Variants in EFCAB13 observed in about 807,000 individuals in gnomAD.
The protein encoded by EFCAB13 is EF-hand calcium binding domain 13.
A neutral mutation model predicts 110.2 loss-of-function variants in EFCAB13; 91 were observed. The ratio of observed to expected loss-of-function variants is 0.83; its 90% CI spans 0.70 to 0.98. The LOEUF (loss-of-function observed/expected upper bound fraction) is 0.98. EFCAB13 is among the 50% of genes least tolerant of loss of function. The pLI is 0.00. For synonymous variants in EFCAB13, 323 were observed against 369.9 expected, an observed-to-expected ratio of 0.87 and a Z score of 1.45; for missense variants, 968 against 1,119.4, an observed-to-expected ratio of 0.86 and a Z score of 1.93.
chr17:47,429,269 T>C (rs1159324431), intron 23 of EFCAB13, among the ~76,000 whole-genome samples: 1 of 152,200 alleles, frequency 6.6e-6, no homozygotes, highest in Non-Finnish European at 1.5e-5. Context: ...CATTTTAAGG[T>C]AACATAACTT....
intron 24 of EFCAB13, among the ~76,000 whole-genome samples, chr17:47,436,180 T>C (rs1905210357): frequency 1.3e-5 from 2 of 152,288 alleles, no homozygotes; most frequent in South Asian, 4.2e-4. Flanking sequence ...TTAGCTAGTA[T>C]TTTGTTAGGG....
intron 10 of EFCAB13, among the ~76,000 whole-genome samples, chr17:47,368,808 G>T (rs1885353657): frequency 6.6e-6 from 1 of 152,184 alleles, no homozygotes; most frequent in Admixed American, 6.5e-5. Context: ...ATGGGAAGAT[G>T]ACTTTTCCAC....
intron 24 of EFCAB13, among the ~76,000 whole-genome samples, chr17:47,438,007 CTGAA>C (rs1905243780): frequency 6.6e-6 from 1 of 152,078 alleles, no homozygotes; most frequent in Non-Finnish European, 1.5e-5. Context: ...ATTCATTTGT[CTGAA>C]TAAGACTGTA....
At chr17:47,361,194 A>G (rs959423182) in intron 9 of EFCAB13, among the ~76,000 whole-genome samples, 184 bp from the exon 10 acceptor site, 3 of 152,208 alleles carry the variant, frequency 2.0e-5, no homozygotes, top group African/African-American at 7.2e-5. Context: ...GGAGAAATAA[A>G]AGACCAATGT....
rs143152322 is a variant in EFCAB13, at chr17:47,374,487, C to G, written c.893C>G (p.Ser298Ter). The G allele has an allele frequency of 1.3e-6, 2 of 1,514,328 alleles. No homozygotes were observed. Among genetic ancestry groups the G allele is most frequent in the Non-Finnish European group, 1.8e-6 (2 of 1,133,414 alleles). 93.8% of individuals were successfully genotyped at this position (1,514,328 alleles called of 1,614,324 possible). A position where few individuals can be genotyped will look rare whatever the true frequency, so the allele number is the denominator to read the frequency against. Residue 298 changes from serine to a stop codon, truncating the protein, a stop_gained, in exon 12 of 25, where the codon TCA (serine) becomes TGA (stop). Transcript: ENST00000331493. LOFTEE classifies it high-confidence loss of function. ...TCTTATTTAGCAATTACAGAAGGAT[C>G]ACCTTTGAATGAAATTACTTCAGAC... ...QYEDVSITEG[S>*]PLNEITSDRK...
Position 47,374,623 on chromosome 17 carries a change from C to G in EFCAB13, c.1029C>G (p.Asn343Lys). Residue 343 changes from asparagine (N) to lysine (K), a missense_variant, in exon 12 of 25, where the codon AAC (asparagine) becomes AAG (lysine). By Grantham distance (94) the Asn-to-Lys change is moderately conservative. Transcript: ENST00000331493. ...CCAAAAAGTTAAATAAAAAAAGCAACCAATATTATAGCAAAATTATGGAGA... is the reference window on the plus strand; with the variant it reads ...CCAAAAAGTTAAATAAAAAAAGCAAGCAATATTATAGCAAAATTATGGAGA... ...SISKKLNKKS[N>K]QYYSKIMEND... The G allele has an allele frequency of 6.2e-7, 1 of 1,604,432 alleles. No homozygotes were observed. The highest frequency in any genetic ancestry group is 8.5e-7 in the Non-Finnish European group (1 of 1,177,684).
intron 17 of EFCAB13, among the ~76,000 whole-genome samples, chr17:47,399,059 A>ACTTGGGAG (rs2065765015): frequency 6.6e-6 from 1 of 152,120 alleles, no homozygotes; most frequent in South Asian, 2.1e-4. Flanking sequence ...AGTAGCTGGG[A>ACTTGGGAG]CTACAGGTGC....
chr17:47,378,424 A>G (rs1025929027), intron 13 of EFCAB13, among the ~76,000 whole-genome samples: 1 of 152,196 alleles, frequency 6.6e-6, no homozygotes, highest in Non-Finnish European at 1.5e-5. Context: ...ATACTAGGGA[A>G]GTTATTTTTA....
chr17:47,440,282 A>G (rs954414450), intron 24 of EFCAB13, 149 bp from the exon 25 acceptor site: 6 of 637,928 alleles, frequency 9.4e-6, no homozygotes, highest in East Asian at 9.3e-5. Flanking sequence ...TGATAATCAT[A>G]TGCATGCAAG....
intron 11 of EFCAB13, among the ~76,000 whole-genome samples, chr17:47,372,264 T>C (rs2065589170): frequency 6.6e-6 from 1 of 152,182 alleles, no homozygotes; most frequent in South Asian, 2.1e-4. Flanking sequence ...GATTTGTGGC[T>C]ACTCTGAAGC....
At chr17:47,350,567 T>C (rs777981818) in intron 9 of EFCAB13, among the ~76,000 whole-genome samples, 2 of 152,054 alleles carry the variant, frequency 1.3e-5, no homozygotes, top group African/African-American at 2.4e-5. Flanking sequence ...AATATAATTA[T>C]TACTCCCACG....
intron 21 of EFCAB13, among the ~76,000 whole-genome samples, chr17:47,411,605 ATTG>A (rs2065835467): frequency 1.3e-5 from 2 of 152,184 alleles, no homozygotes; most frequent in Non-Finnish European, 2.9e-5. Flanking sequence ...TGAATATTTT[ATTG>A]TTGATCTTAG....
intron 23 of EFCAB13, among the ~76,000 whole-genome samples, chr17:47,424,896 T>TTTTTTTTTTTTTTTTTTG (rs1567807243): frequency 3.5e-5 from 3 of 84,508 alleles, no homozygotes; most frequent in African/African-American, 1.8e-4. Context: ...TTTTTTTTTT[T>TTTTTTTTTTTTTTTTTTG]TTTTGAGACG....
At chr17:47,351,732 AGTTGTCTGTTCATTCT>A (rs2065454307) in intron 9 of EFCAB13, among the ~76,000 whole-genome samples, 1 of 151,792 alleles carries the variant, frequency 6.6e-6, no homozygotes, top group East Asian at 1.9e-4. Context: ...CTATTCTTCA[AGTTGTCTGTTCATTCT>A]GTTGATTATT....
intron 11 of EFCAB13, 65 bp downstream of exon 11, chr17:47,370,573 AT>A: frequency 9.2e-7 from 1 of 1,090,362 alleles, no homozygotes; most frequent in Non-Finnish European, 1.3e-6. Flanking sequence ...TTAAATCTTA[AT>A]TTATAAGTTT....
intron 22 of EFCAB13, among the ~76,000 whole-genome samples, chr17:47,413,137 T>C (rs2065844886): frequency 6.6e-6 from 1 of 152,190 alleles, no homozygotes. Flanking sequence ...TTAATTACCA[T>C]TCATTACTTA....
Position 47,403,931 on chromosome 17 carries a change from G to A in EFCAB13, c.2071G>A (p.Gly691Arg). ...TTTGCTGGAAGGTGACATGATAGCT[G>A]GGAAGAACTTGGAAGACTTTCTAAG... ...ADLLEGDMIA[G>R]KNLEDFLRNV... Residue 691 changes from glycine to arginine, a missense_variant, in exon 19 of 25, where the codon GGG becomes AGG. Coordinates refer to ENST00000331493, the MANE Select transcript of EFCAB13 (RefSeq NM_152347.5). 2 of 1,611,400 alleles carry A rather than the reference G, an allele frequency of 1.2e-6. No individual in the cohort carries two copies. Among genetic ancestry groups the A allele is most frequent in the Non-Finnish European group, 1.7e-6 (2 of 1,178,486 alleles).
chr17:47,336,687 C>T (rs1275611853), intron 5 of EFCAB13, among the ~76,000 whole-genome samples: 3 of 150,846 alleles, frequency 2.0e-5, no homozygotes, highest in Non-Finnish European at 4.4e-5. Context: ...GATCTGCCCG[C>T]CTGAGCCTCC....
chr17:47,343,123 T>G (rs1238678774), intron 6 of EFCAB13, among the ~76,000 whole-genome samples: 4 of 152,164 alleles, frequency 2.6e-5, no homozygotes, highest in Admixed American at 1.3e-4. Context: ...ACTTGTTCTT[T>G]GGGTGTTATA....
Sources: gnomAD v4.1 joint callset for allele counts (sites outside exome capture counted in the v4.1 genomes callset) on GRCh38, gnomAD v4.1.1 for gene constraint, MANE v1.5 for transcripts, NCBI Gene and HGNC (gene_info 2026-07-23, HGNC 2026-07-21) for gene names.